Variants in FAM114A2 observed in about 807,000 individuals in gnomAD.
The protein encoded by FAM114A2 is family with sequence similarity 114 member A2.
Under a neutral mutation model 58.4 loss-of-function variants are expected in FAM114A2, and 53 were observed. The observed-to-expected ratio is 0.91, with a 90% CI of 0.73 to 1.14. FAM114A2 has a LOEUF of 1.14. Among genes scored for constraint, FAM114A2 ranks in the 50% most tolerant of loss-of-function variants. The probability of loss-of-function intolerance (pLI) is 0.00; values close to 1 mark genes in which losing one functional copy is unlikely to be tolerated. For synonymous variants in FAM114A2, 228 were observed against 211.4 expected (o/e 1.08, Z -0.68); for missense variants, 601 against 581.1 (o/e 1.03, Z -0.35).
intron 8 of FAM114A2, among the ~76,000 whole-genome samples, chr5:154,022,216 T>C (rs868851298): frequency 2.0e-5 from 3 of 152,292 alleles, no homozygotes; most frequent in African/African-American, 2.4e-5. Flanking sequence ...ATTCAGGACA[T>C]AGGCATGGGC....
chr5:154,006,490 T>C (rs1270607309), intron 9 of FAM114A2, among the ~76,000 whole-genome samples: 1 of 152,126 alleles, frequency 6.6e-6, no homozygotes, highest in Non-Finnish European at 1.5e-5. Context: ...GGAAATCAGC[T>C]TGGTACACCT....
At chr5:154,028,715 T>C (rs1010526145) in intron 5 of FAM114A2, among the ~76,000 whole-genome samples, 4 of 152,202 alleles carry the variant, frequency 2.6e-5, no homozygotes, top group African/African-American at 9.6e-5. Context: ...AACTGCAGCA[T>C]AGGTAAATTA....
intron 1 of FAM114A2, chr5:154,037,030 A>T (rs539921597): frequency 3.9e-5 from 6 of 152,300 alleles, no homozygotes; most frequent in Admixed American, 1.3e-4. Flanking sequence ...ACTTCACTCA[A>T]ATTATGCTAC....
intron 8 of FAM114A2, among the ~76,000 whole-genome samples, chr5:154,017,189 T>A (rs1193672199): frequency 1.3e-5 from 2 of 152,220 alleles, no homozygotes; most frequent in East Asian, 3.9e-4. Context: ...ACGCCTGTAA[T>A]CCCAGCATTT....
At position 154,010,676 on chromosome 5, in the gene FAM114A2, C is replaced by A. The variant is rs192844876; in HGVS notation, c.993+565G>T. ...GCACTGGCTTATACTTGCCACAGAA[C>A]CTCCCTACCCACTCTGAGCTTTGAT... On this transcript the variant is annotated intron_variant, in intron 9 of 13. Coordinates refer to ENST00000351797, the MANE Select transcript of FAM114A2 (RefSeq NM_018691.4). Among the ~76,000 whole-genome samples, 300 of 152,292 alleles carry A rather than the reference C, an allele frequency of 2.0e-3. 1 individual carries two copies. Among genetic ancestry groups the A allele is most frequent in the African/African-American group, 6.9e-3 (287 of 41,562 alleles).
intron 4 of FAM114A2, among the ~76,000 whole-genome samples, chr5:154,032,484 C>T (rs1175126006): frequency 6.6e-6 from 1 of 152,054 alleles, no homozygotes; most frequent in Non-Finnish European, 1.5e-5. Flanking sequence ...CCCCTTTTTC[C>T]TTGGCTGCTA....
At chr5:153,994,310 A>C (rs1769422661) in intron 13 of FAM114A2, among the ~76,000 whole-genome samples, 1 of 152,200 alleles carries the variant, frequency 6.6e-6, no homozygotes, top group Non-Finnish European at 1.5e-5. Flanking sequence ...AAATCATCAA[A>C]AAGTCTATGT....
rs199953217 is a variant in FAM114A2 at position 154,026,475 on chromosome 5, T to G, written c.837A>C (p.Leu279=). The G allele has an allele frequency of 2.5e-6, 4 of 1,576,002 alleles. No homozygotes were observed. In the African/African-American group the frequency reaches 5.5e-5, roughly 22 times the overall value. Residue 279 remains leucine, a synonymous_variant, in exon 8 of 14, where the codon CTA becomes CTC. Transcript: ENST00000351797. The part of the protein sequence containing the change: ...NSLSGEELET[L]KVELEQLKET... Reference sequence around the variant, plus strand: ...CTTTGAGTTGCTCTAATTCAACTTTTAGAGTCTCTAATTCTTCTCCACTCA... The same window carrying G: ...CTTTGAGTTGCTCTAATTCAACTTTGAGAGTCTCTAATTCTTCTCCACTCA...
At chr5:154,003,113 T>C in intron 9 of FAM114A2, 144 bp from the exon 10 acceptor site, 1 of 646,730 alleles carries the variant, frequency 1.5e-6, no homozygotes, top group Non-Finnish European at 2.7e-6. Context: ...GTCCTTATCC[T>C]ACTAGTCTCA....
chr5:154,014,033 T>C (rs779727374), intron 8 of FAM114A2, among the ~76,000 whole-genome samples: 10 of 152,220 alleles, frequency 6.6e-5, no homozygotes, highest in Non-Finnish European at 1.2e-4. Context: ...AAATGGCAGA[T>C]CTTGATTTTG....
chr5:153,998,057 A>T (rs1769703540), intron 11 of FAM114A2, among the ~76,000 whole-genome samples, 182 bp from the exon 12 acceptor site: 1 of 152,212 alleles, frequency 6.6e-6, no homozygotes, highest in South Asian at 2.1e-4. Flanking sequence ...AGTTTCAGTT[A>T]CTCATGGTCA....
chr5:153,995,194 G>T, intron 12 of FAM114A2: 2 of 426,496 alleles, frequency 4.7e-6, no homozygotes, highest in East Asian at 3.3e-5. Flanking sequence ...ACAGTGTATT[G>T]TTTTATACCT....
At chr5:153,996,673 G>A (rs1340186958) in intron 12 of FAM114A2, among the ~76,000 whole-genome samples, 1 of 151,734 alleles carries the variant, frequency 6.6e-6, no homozygotes, top group Non-Finnish European at 1.5e-5. Context: ...AGAGAAGCCA[G>A]ACAAATAGCC....
chr5:154,029,593 G>A lies in FAM114A2; in HGVS notation c.404-13C>T. The stretch of plus-strand genomic sequence containing the variant: ...GCATTTGTCTCTCCTACAAGAGGGA[G>A]GGGATGTGTAAACATGAAGGGAAGG... On this transcript the variant is annotated splice_polypyrimidine_tract_variant and intron_variant, in intron 4 of 13. Transcript: ENST00000351797. The A allele has an allele frequency of 1.3e-6, 2 of 1,483,280 alleles. No homozygotes were observed. Among genetic ancestry groups the A allele is most frequent in the Non-Finnish European group, 9.4e-7 (1 of 1,063,048 alleles). 91.9% of individuals were successfully genotyped at this position (1,483,280 alleles called of 1,614,324 possible).
chr5:154,000,279 T>C (rs1222779988), intron 11 of FAM114A2, among the ~76,000 whole-genome samples: 4 of 152,142 alleles, frequency 2.6e-5, no homozygotes, highest in African/African-American at 9.7e-5. Context: ...AAATAAAGTC[T>C]AATGTTTGAT....
chr5:154,028,076 G>T, intron 6 of FAM114A2, 73 bp downstream of exon 6: 2 of 1,289,792 alleles, frequency 1.6e-6, no homozygotes, highest in Non-Finnish European at 2.1e-6. Context: ...CACTAACAAG[G>T]TTCCAAGTAA....
Position 154,013,563 on chromosome 5 carries a change from TATC to T in FAM114A2, c.914-2246_914-2244del, listed in dbSNP as rs1770836513. 2.0e-5 allele frequency among the ~76,000 whole-genome samples: 3 copies of T among 152,152 alleles called. No individual in the cohort carries two copies. In the South Asian group the frequency reaches 6.2e-4, roughly 31 times the overall value. ...CTGGTGAACAAGTAGGAGAAAAAAA[TATC>T]ATAGACACAAATCCATCTGTTTAGA... is the stretch of plus-strand genomic sequence containing the variant. On this transcript the variant is annotated intron_variant, in intron 8 of 13. Transcript: ENST00000351797.
chr5:154,007,424 T>C (rs556706553), intron 9 of FAM114A2, among the ~76,000 whole-genome samples: 4 of 152,216 alleles, frequency 2.6e-5, no homozygotes, highest in South Asian at 4.1e-4. Flanking sequence ...CAGAATCATA[T>C]TCCCGGACTC....
Position 154,002,370 on chromosome 5 carries a change from G to T in FAM114A2, c.1137C>A (p.Ile379=), listed in dbSNP as rs370862982. The T allele has an allele frequency of 6.2e-6, 10 of 1,613,752 alleles. No homozygotes were observed. Among genetic ancestry groups the T allele is most frequent in the Non-Finnish European group, 7.6e-6 (9 of 1,179,846 alleles). ...NSIEDIHAFA[I]RSLAELTACS... The stretch of plus-strand genomic sequence containing the variant: ...AGGCAGTCAGTTCAGCCAGGCTCCG[G>T]ATTGCAAACGCATGGATATCCTGGA... The change falls in exon 11 of 14, where the codon ATC becomes ATA. Residue 379 remains isoleucine (I), a synonymous_variant. Coordinates refer to ENST00000351797, the MANE Select transcript of FAM114A2 (RefSeq NM_018691.4).
Sources: gnomAD v4.1 joint callset for allele counts (sites outside exome capture counted in the v4.1 genomes callset) on GRCh38, gnomAD v4.1.1 for gene constraint, MANE v1.5 for transcripts, NCBI Gene and HGNC (gene_info 2026-07-23, HGNC 2026-07-21) for gene names.